OMA1: variants seen among roughly 807,000 people sequenced by gnomAD.
OMA1 encodes the protein OMA1 zinc metallopeptidase.
In OMA1, 38 loss-of-function variants were observed where a neutral mutation model predicts 30.9. The ratio of observed to expected loss-of-function variants is 1.23; its 90% CI spans 0.95 to 1.61. The LOEUF is 1.61. Ranked by LOEUF, OMA1 falls within the 40% of genes most tolerant of loss-of-function variation. The probability of loss-of-function intolerance (pLI) is 0.00; values close to 1 mark genes in which losing one functional copy is unlikely to be tolerated. For synonymous variants in OMA1, 173 were observed against 121.9 expected (o/e 1.42, Z -2.76); for missense variants, 461 against 349.2 (o/e 1.32, Z -2.55).
At chr1:58,491,473 T>C (rs536495410) in intron 8 of OMA1, among the ~76,000 whole-genome samples, 76 of 152,124 alleles carry the variant, frequency 5.0e-4, no homozygotes, top group Admixed American at 3.7e-3. Context: ...GACTGGCAAA[T>C]TGGATAAAGA....
intron 3 of OMA1, among the ~76,000 whole-genome samples, chr1:58,535,664 G>A (rs1024888545): frequency 6.0e-5 from 9 of 150,780 alleles, no homozygotes; most frequent in South Asian, 2.1e-4. Context: ...ACATGAATTC[G>A]AAAAATATTA....
At chr1:58,497,116 G>T (rs1040343928) in intron 8 of OMA1, among the ~76,000 whole-genome samples, 3 of 152,066 alleles carry the variant, frequency 2.0e-5, no homozygotes. Context: ...CTATTTACAG[G>T]TATATATAGA....
At chr1:58,536,127 A>G (rs945844589) in intron 3 of OMA1, among the ~76,000 whole-genome samples, 5 of 152,278 alleles carry the variant, frequency 3.3e-5, no homozygotes, top group Admixed American at 2.6e-4. Context: ...AAAAAAGCCT[A>G]GGAGACCTAA....
At chr1:58,519,034 C>T (rs1278817818) in intron 7 of OMA1, among the ~76,000 whole-genome samples, 2 of 152,142 alleles carry the variant, frequency 1.3e-5, no homozygotes, top group Non-Finnish European at 2.9e-5. Context: ...ATTATCTCTA[C>T]ACTTATTGCT....
chr1:58,511,740 C>T (rs1008678836), intron 7 of OMA1, among the ~76,000 whole-genome samples: 2 of 152,040 alleles, frequency 1.3e-5, no homozygotes, highest in Admixed American at 1.3e-4. Context: ...AAACTGGACC[C>T]TTATCTTACG....
At chr1:58,494,149 C>G (rs576270817) in intron 8 of OMA1, among the ~76,000 whole-genome samples, 71 of 152,174 alleles carry the variant, frequency 4.7e-4, no homozygotes, top group African/African-American at 1.7e-3. Flanking sequence ...ACAAACCTGA[C>G]AAAAATAAGA....
At position 58,534,224 on chromosome 1, in the gene OMA1, C is replaced by A. The variant is rs41287650; in HGVS notation, c.837G>T (p.Gly279=). Residue 279 remains glycine, a synonymous_variant, in exon 4 of 9, where the codon GGG becomes GGT. Coordinates refer to ENST00000371226, the MANE Select transcript of OMA1 (RefSeq NM_145243.5). ...HLIECNKDVP[G]ISQINWVIHV... ...GAATAACCCAATTGATCTGAGAGAT[C>A]CCTGGAACATCTTTATTGCATTCAA... 131 of 871,834 alleles carry A rather than the reference C, an allele frequency of 1.5e-4. No homozygotes were observed. Among genetic ancestry groups the A allele is most frequent in the Non-Finnish European group, 2.5e-4 (127 of 501,458 alleles). 54.0% of individuals were successfully genotyped at this position (871,834 alleles called of 1,614,324 possible).
chr1:58,481,213 T>A lies in OMA1; in HGVS notation c.1366-39A>T, dbSNP rs373062346. 573 of 650,718 alleles carry A rather than the reference T, an allele frequency of 8.8e-4. 11 individuals carry two copies. In the South Asian group the frequency reaches 0.013, roughly 14 times the overall value. The allele number at this position is 650,718 out of a possible 1,614,324, so 40.3% of individuals were successfully genotyped here. ...ATAAAATAAAAAAATACTATATATATACATCAATGTATTCAGATTGTTTCA... is the reference window on the plus strand; with the variant it reads ...ATAAAATAAAAAAATACTATATATAAACATCAATGTATTCAGATTGTTTCA... On this transcript the variant is annotated intron_variant, in intron 8 of 8. Transcript: ENST00000371226.
intron 7 of OMA1, among the ~76,000 whole-genome samples, chr1:58,508,865 C>G (rs948857488): frequency 6.6e-6 from 1 of 151,836 alleles, no homozygotes; most frequent in African/African-American, 2.4e-5. Flanking sequence ...AGGTAGATCA[C>G]GTGTCCAACA....
intron 8 of OMA1, among the ~76,000 whole-genome samples, chr1:58,494,027 G>A (rs1645748719): frequency 6.6e-6 from 1 of 151,736 alleles, no homozygotes; most frequent in Non-Finnish European, 1.5e-5. Flanking sequence ...ATACTACAAG[G>A]CTACAGTAAC....
At chr1:58,494,354 A>G (rs1359900855) in intron 8 of OMA1, among the ~76,000 whole-genome samples, 3 of 152,108 alleles carry the variant, frequency 2.0e-5, no homozygotes, top group Non-Finnish European at 2.9e-5. Flanking sequence ...GGACATAGGC[A>G]TGGGCAAGGA....
chr1:58,497,463 T>C (rs992433686), intron 8 of OMA1, among the ~76,000 whole-genome samples: 3 of 152,186 alleles, frequency 2.0e-5, no homozygotes, highest in Non-Finnish European at 4.4e-5. Context: ...CTGAAATGCA[T>C]ACTAAAGTTG....
At chr1:58,496,451 C>CTG (rs1173182634) in intron 8 of OMA1, among the ~76,000 whole-genome samples, 1 of 152,182 alleles carries the variant, frequency 6.6e-6, no homozygotes, top group Non-Finnish European at 1.5e-5. Context: ...GCCGCCTTGC[C>CTG]TGTCCTCTCC....
intron 1 of OMA1, among the ~76,000 whole-genome samples, chr1:58,543,891 C>G (rs12563531): frequency 0.13 from 19,385 of 152,230 alleles, 1,862 homozygotes; most frequent in East Asian, 0.41. Flanking sequence ...GTAGCCCCTA[C>G]ATGTGGCTAC....
chr1:58,519,265 G>A (rs977777303), intron 7 of OMA1, among the ~76,000 whole-genome samples: 4 of 152,098 alleles, frequency 2.6e-5, no homozygotes, highest in African/African-American at 9.7e-5. Flanking sequence ...CACTTGGTAG[G>A]TTATATATTT....
At chr1:58,485,794 A>G (rs942938275) in intron 8 of OMA1, among the ~76,000 whole-genome samples, 19 of 152,288 alleles carry the variant, frequency 1.2e-4, no homozygotes, top group African/African-American at 4.6e-4. Flanking sequence ...AACTCCACGC[A>G]CTGCACATAA....
chr1:58,484,268 A>G (rs960185243), intron 8 of OMA1, among the ~76,000 whole-genome samples: 2 of 152,198 alleles, frequency 1.3e-5, no homozygotes, highest in Non-Finnish European at 2.9e-5. Flanking sequence ...ACCCTGCTAT[A>G]AAAACTTTTC....
intron 7 of OMA1, among the ~76,000 whole-genome samples, chr1:58,526,003 A>G (rs973178562): frequency 3.3e-5 from 5 of 151,888 alleles, no homozygotes; most frequent in African/African-American, 1.2e-4. Context: ...TCCATAGGGG[A>G]AAAAAAAGAT....
intron 8 of OMA1, among the ~76,000 whole-genome samples, chr1:58,494,254 T>A (rs983563834): frequency 1.3e-5 from 2 of 152,074 alleles, no homozygotes; most frequent in African/African-American, 4.8e-5. Context: ...TTACACCTTA[T>A]ACTAAAATTA....
Sources: gnomAD v4.1 joint callset for allele counts (sites outside exome capture counted in the v4.1 genomes callset) on GRCh38, gnomAD v4.1.1 for gene constraint, MANE v1.5 for transcripts, NCBI Gene and HGNC (gene_info 2026-07-23, HGNC 2026-07-21) for gene names.